The following CHD9 variants were observed in gnomAD, a reference collection of about 807,000 sequenced individuals.
CHD9 encodes the protein chromodomain helicase DNA binding protein 9.
Under a neutral mutation model 316.1 loss-of-function variants are expected in CHD9, and 77 were observed. That is an observed-to-expected ratio of 0.24 (90% CI 0.20 to 0.29). The LOEUF (loss-of-function observed/expected upper bound fraction) is 0.29, where lower values mean the gene tolerates loss of function less well. Ranked by LOEUF, CHD9 falls within the 10% of genes least tolerant of loss-of-function variation. The probability of loss-of-function intolerance (pLI) is 1.00; values close to 1 mark genes in which losing one functional copy is unlikely to be tolerated. For synonymous variants in CHD9, 1,129 were observed against 1,158.3 expected, an observed-to-expected ratio of 0.97 and a Z score of 0.51; for missense variants, 2,763 against 3,438.1, an observed-to-expected ratio of 0.80 and a Z score of 4.91.
chr16:53,158,370 G>A (rs1036464143), intron 2 of CHD9, among the ~76,000 whole-genome samples: 11 of 152,200 alleles, frequency 7.2e-5, no homozygotes, highest in African/African-American at 2.4e-4. Flanking sequence ...TTGAGAATAT[G>A]TTAATGATGG....
chr16:53,182,634 G>A (rs1350256463), intron 2 of CHD9, among the ~76,000 whole-genome samples: 1 of 152,022 alleles, frequency 6.6e-6, no homozygotes, highest in Non-Finnish European at 1.5e-5. Flanking sequence ...TTATAGATGA[G>A]CCAATTTTTT....
At chr16:53,249,326 A>G (rs1406073299) in intron 16 of CHD9, among the ~76,000 whole-genome samples, 5 of 152,116 alleles carry the variant, frequency 3.3e-5, no homozygotes, top group African/African-American at 9.7e-5. Context: ...GATGTCTTGC[A>G]GTTTTTGAGT....
At chr16:53,219,772 A>G (rs1468323278) in intron 3 of CHD9, among the ~76,000 whole-genome samples, 2 of 152,214 alleles carry the variant, frequency 1.3e-5, no homozygotes, top group Non-Finnish European at 2.9e-5. Flanking sequence ...TGAGCAAGTT[A>G]TTTAACTTCT....
intron 22 of CHD9, 25 bp from the exon 23 acceptor site, chr16:53,273,601 A>G (rs2052506020): frequency 5.3e-6 from 8 of 1,508,210 alleles, no homozygotes; most frequent in East Asian, 4.7e-5. Flanking sequence ...AATTATTCCT[A>G]ATTTATATGT....
intron 37 of CHD9, chr16:53,319,914 T>A: frequency 3.3e-6 from 3 of 900,204 alleles, no homozygotes; most frequent in Non-Finnish European, 4.4e-6. Context: ...ATGAAGGAGA[T>A]AATAAAAAAG....
rs1219506082 is a variant in CHD9 at position 53,307,750 on chromosome 16, A to G, written c.6850A>G (p.Arg2284Gly). 7 of 1,612,632 alleles carry G rather than the reference A, an allele frequency of 4.3e-6. No individual in the cohort carries two copies. Among genetic ancestry groups the G allele is most frequent in the Non-Finnish European group, 5.1e-6 (6 of 1,179,320 alleles). ...TCTGAAAGGAAAGTGGCCTTCAGCT[A>G]GAAGAAGTTATGATGCTAACACAGT... ...TVLKGKWPSA[R>G]RSYDANTVAS... The change falls in exon 33 of 39, where the codon AGA (arginine) becomes GGA (glycine). Residue 2284 changes from arginine (R) to glycine (G), a missense_variant. Transcript: ENST00000447540.
intron 1 of CHD9, among the ~76,000 whole-genome samples, chr16:53,057,910 GA>G (rs1421817796): frequency 6.6e-6 from 1 of 152,082 alleles, no homozygotes; most frequent in Admixed American, 6.5e-5. Context: ...TTTTGTTTGT[GA>G]TGTCGCTGTT....
intron 26 of CHD9, among the ~76,000 whole-genome samples, 192 bp from the exon 27 acceptor site, chr16:53,287,765 G>T (rs570722930): frequency 6.9e-4 from 105 of 152,222 alleles, no homozygotes; most frequent in African/African-American, 2.4e-3. Flanking sequence ...GTGAGTAAGG[G>T]TACATTAGAA....
chr16:53,307,125 C>T (rs547600881), intron 32 of CHD9, among the ~76,000 whole-genome samples: 1 of 152,070 alleles, frequency 6.6e-6, no homozygotes, highest in East Asian at 1.9e-4. Context: ...GAATACTTAC[C>T]TTTAAGAATG....
intron 1 of CHD9, among the ~76,000 whole-genome samples, chr16:53,087,566 G>T (rs2035567942): frequency 6.6e-6 from 1 of 152,158 alleles, no homozygotes; most frequent in Non-Finnish European, 1.5e-5. Context: ...TAAAGCAGGG[G>T]TTACAATACT....
intron 19 of CHD9, among the ~76,000 whole-genome samples, chr16:53,257,274 C>A (rs1483914081): frequency 6.6e-6 from 1 of 152,054 alleles, no homozygotes; most frequent in Non-Finnish European, 1.5e-5. Context: ...GGAAGTTGAA[C>A]CCAAATTGTG....
intron 32 of CHD9, among the ~76,000 whole-genome samples, chr16:53,306,829 G>T (rs957510080): frequency 6.6e-6 from 1 of 151,996 alleles, no homozygotes; most frequent in African/African-American, 2.4e-5. Context: ...GCCCAAGCTG[G>T]CTTACAGTGG....
chr16:53,251,385 T>A (rs1442603642), intron 17 of CHD9, among the ~76,000 whole-genome samples: 2 of 152,186 alleles, frequency 1.3e-5, no homozygotes, highest in Non-Finnish European at 2.9e-5. Context: ...GTATCCTGAA[T>A]CTCCCAATTT....
chr16:53,180,809 G>T (rs2043444477), intron 2 of CHD9, among the ~76,000 whole-genome samples: 1 of 151,872 alleles, frequency 6.6e-6, no homozygotes, highest in South Asian at 2.1e-4. Context: ...AGTATTAGCT[G>T]GGACTACAGG....
At chr16:53,291,902 T>C (rs1317330783) in intron 28 of CHD9, 135 bp downstream of exon 28, 2 of 488,762 alleles carry the variant, frequency 4.1e-6, no homozygotes, top group Non-Finnish European at 7.0e-6. Flanking sequence ...GTAATCGTTA[T>C]AGGACATACT....
chr16:53,257,574 A>T (rs530464008), intron 19 of CHD9, among the ~76,000 whole-genome samples: 1 of 152,120 alleles, frequency 6.6e-6, no homozygotes, highest in Non-Finnish European at 1.5e-5. Context: ...TGACTTGAAG[A>T]TTTTTTGCTT....
chr16:53,062,039 G>A (rs1488771771), intron 1 of CHD9, among the ~76,000 whole-genome samples: 3 of 152,104 alleles, frequency 2.0e-5, no homozygotes, highest in Non-Finnish European at 2.9e-5. Context: ...CTCACCCCTG[G>A]GGCTGCCCTC....
At chr16:53,317,409 G>A (rs2153107398) in intron 36 of CHD9, among the ~76,000 whole-genome samples, 1 of 152,284 alleles carries the variant, frequency 6.6e-6, no homozygotes, top group Middle Eastern at 3.4e-3. Context: ...ATTAAGCCCT[G>A]TTTTGTTAAT....
chr16:53,246,644 GTAACTAGAACT>G (rs2049648499), intron 15 of CHD9, among the ~76,000 whole-genome samples: 2 of 151,902 alleles, frequency 1.3e-5, no homozygotes, highest in Non-Finnish European at 2.9e-5. Flanking sequence ...AGCCTCCTTA[GTAACTAGAACT>G]AGGCATATGC....
Sources: gnomAD v4.1 joint callset for allele counts (sites outside exome capture counted in the v4.1 genomes callset) on GRCh38, gnomAD v4.1.1 for gene constraint, MANE v1.5 for transcripts, NCBI Gene and HGNC (gene_info 2026-07-23, HGNC 2026-07-21) for gene names.